The following DDX21 variants were observed in gnomAD, a reference collection of about 807,000 sequenced individuals.
DDX21 encodes nucleolar RNA helicase 2.
In DDX21, 18 loss-of-function variants were observed where a neutral mutation model predicts 90.0. That is an observed-to-expected ratio of 0.20 (90% CI 0.14 to 0.30). The LOEUF is 0.30. DDX21 is among the 10% of genes least tolerant of loss of function. DDX21 has a pLI of 1.00. For missense variants in DDX21, 673 were observed against 944.5 expected, an observed-to-expected ratio of 0.71 and a Z score of 3.77; for synonymous variants, 294 against 318.0, an observed-to-expected ratio of 0.92 and a Z score of 0.80.
chr10:68,970,483 T>G, intron 8 of DDX21, 133 bp downstream of exon 8: 2 of 779,318 alleles, frequency 2.6e-6, no homozygotes, highest in Non-Finnish European at 3.7e-6. Context: ...GAGAGGAAGC[T>G]ACTTTTTTTT....
At chr10:68,957,067 G>A (rs1237394302) in intron 1 of DDX21, among the ~76,000 whole-genome samples, 3 of 151,922 alleles carry the variant, frequency 2.0e-5, no homozygotes, top group African/African-American at 7.2e-5. Context: ...GTGGGCACTG[G>A]AGCTTTAGAG....
chr10:68,960,161 C>T lies in DDX21; in HGVS notation c.443C>T (p.Pro148Leu). The T allele has an allele frequency of 1.9e-6, 3 of 1,614,030 alleles. No homozygotes were observed. Among genetic ancestry groups the T allele is most frequent in the East Asian group, 2.2e-5 (1 of 44,866 alleles). The change falls in exon 2 of 15, where the codon CCC becomes CTC. Residue 148 changes from proline (P) to leucine (L), a missense_variant. Physicochemically the swap from Pro to Leu is moderately conservative, Grantham distance 98. Around this residue, in one of 4 missense-constraint regions of DDX21, gnomAD observed 204 missense variants for 221.6 expected, o/e 0.92. Transcript: ENST00000354185. ...AATGGAGAAACTAGAGAGAAAAGCC[C>T]CAAACTGAAGAATGGATTTCCTCAT... ...EMNGETREKS[P>L]KLKNGFPHPE...
intron 1 of DDX21, 59 bp downstream of exon 1, chr10:68,956,371 C>T: frequency 6.2e-7 from 1 of 1,605,026 alleles, no homozygotes; most frequent in East Asian, 2.2e-5. Context: ...CCCCGGGGTG[C>T]GGGAGAAGTG....
At chr10:68,957,073 T>C (rs1310779736) in intron 1 of DDX21, among the ~76,000 whole-genome samples, 1 of 151,950 alleles carries the variant, frequency 6.6e-6, no homozygotes. Context: ...ACTGGAGCTT[T>C]AGAGTAGACT....
chr10:68,973,454 C>A lies in DDX21; in HGVS notation c.1549-91C>A, dbSNP rs1424503767. On this transcript the variant is annotated intron_variant, in intron 9 of 14. Coordinates refer to ENST00000354185, the MANE Select transcript of DDX21 (RefSeq NM_004728.4). ...CCTCATGTCCCCAGGTTTATAACCA[C>A]AATTGCTAGTGTTCACTGACCTGCA... The A allele has an allele frequency of 1.2e-5, 18 of 1,523,206 alleles. No homozygotes were observed. In the East Asian group the frequency reaches 3.2e-4, roughly 27 times the overall value. The allele number at this position is 1,523,206 out of a possible 1,614,324, so 94.4% of individuals were successfully genotyped here.
chr10:68,972,118 T>C, intron 9 of DDX21, 66 bp downstream of exon 9: 1 of 1,530,666 alleles, frequency 6.5e-7, no homozygotes, highest in South Asian at 1.2e-5. Flanking sequence ...AAATTGGAAA[T>C]TGTATTATTT....
Position 68,970,034 on chromosome 10 carries a change from G to GT in DDX21, c.1237-160dup, listed in dbSNP as rs1226314943. 3.3e-5 allele frequency among the ~76,000 whole-genome samples: 5 copies of GT among 152,232 alleles called. No individual in the cohort carries two copies. In the East Asian group the frequency reaches 5.8e-4, roughly 18 times the overall value. On this transcript the variant is annotated intron_variant, in intron 7 of 14. Coordinates refer to ENST00000354185, the MANE Select transcript of DDX21 (RefSeq NM_004728.4). Reference sequence around the variant, plus strand: ...CTTTCTGCTTTACTGGCTTATTTAGGTTTTTTTCTGTCAGTGGTGGCTGCA... The same window carrying GT: ...CTTTCTGCTTTACTGGCTTATTTAGGTTTTTTTTCTGTCAGTGGTGGCTGCA...
At chr10:68,966,281 C>T (rs375834207) in intron 5 of DDX21, among the ~76,000 whole-genome samples, 2 of 151,332 alleles carry the variant, frequency 1.3e-5, no homozygotes, top group Admixed American at 6.6e-5. Context: ...TTCACCATAT[C>T]GGCCAGGCTG....
At chr10:68,963,217 T>C (rs1426813441) in intron 3 of DDX21, 74 bp from the exon 4 acceptor site, 2 of 1,424,068 alleles carry the variant, frequency 1.4e-6, no homozygotes, top group African/African-American at 1.4e-5. Context: ...GCATGAGTAG[T>C]ATACTTCAGT....
chr10:68,984,013 G>GT lies in DDX21; in HGVS notation c.*1205dup, dbSNP rs966532436. 14 of 152,320 alleles carry GT rather than the reference G, an allele frequency of 9.2e-5. No individual in the cohort carries two copies. Among genetic ancestry groups the GT allele is most frequent in the African/African-American group, 3.4e-4 (14 of 41,572 alleles). 9.4% of individuals were successfully genotyped at this position (152,320 alleles called of 1,614,324 possible). A position where few individuals can be genotyped will look rare whatever the true frequency, so the allele number is the denominator to read the frequency against. On this transcript the variant is annotated 3_prime_UTR_variant, in exon 15 of 15. Coordinates refer to ENST00000354185, the MANE Select transcript of DDX21 (RefSeq NM_004728.4). ...AAGACAAACTGTATGTGATTAAGTT[G>GT]TTTTGAGGGAACTGAAGAACCTGAT...
At chr10:68,974,604 A>T in intron 10 of DDX21, 66 bp from the exon 11 acceptor site, 1 of 1,326,682 alleles carries the variant, frequency 7.5e-7, no homozygotes, top group Non-Finnish European at 1.1e-6. Context: ...AAATTAGGGG[A>T]CTGCTTATCT....
chr10:68,970,047 A>G (rs1843000245), intron 7 of DDX21, among the ~76,000 whole-genome samples, 154 bp from the exon 8 acceptor site: 1 of 152,150 alleles, frequency 6.6e-6, no homozygotes, highest in Non-Finnish European at 1.5e-5. Flanking sequence ...TTTTTCTGTC[A>G]GTGGTGGCTG....
Position 68,982,529 on chromosome 10 carries a change from C to T in DDX21, c.2083-14C>T, listed in dbSNP as rs1337999368. ...CTAATTAAAGCACACAAAAACAAAA[C>T]ATTCTCTCAACAGGAGAAATGGCAT... On this transcript the variant is annotated splice_polypyrimidine_tract_variant and intron_variant, in intron 14 of 14. Coordinates refer to ENST00000354185, the MANE Select transcript of DDX21 (RefSeq NM_004728.4). 4 of 1,584,166 alleles carry T rather than the reference C, an allele frequency of 2.5e-6. No individual in the cohort carries two copies. The highest frequency in any genetic ancestry group is 3.6e-5 in the Admixed American group (2 of 56,016).
chr10:68,958,412 G>A (rs551454031), intron 1 of DDX21, among the ~76,000 whole-genome samples: 4 of 151,606 alleles, frequency 2.6e-5, no homozygotes, highest in South Asian at 2.1e-4. Context: ...AGGAGTATAG[G>A]TGTGCTGCTA....
At chr10:68,956,376 G>T in intron 1 of DDX21, 64 bp downstream of exon 1, 1 of 1,604,878 alleles carries the variant, frequency 6.2e-7, no homozygotes, top group South Asian at 1.1e-5. Context: ...GGGTGCGGGA[G>T]AAGTGCCCGG....
In DDX21 at chr10:68,959,986, C is replaced by T. The variant is rs760385541; in HGVS notation, c.268C>T (p.Pro90Ser). 6.2e-7 allele frequency: 1 copy of T among 1,608,776 alleles called. No homozygotes were observed. Among genetic ancestry groups the T allele is most frequent in the East Asian group, 2.2e-5 (1 of 44,836 alleles). ...GGAGCCATCTCAAAATGACATTTCT[C>T]CTAAAACCAAAAGTTTGAGAAAGAA... ...KEEPSQNDIS[P>S]KTKSLRKKKE... The change falls in exon 2 of 15, where the codon CCT (proline) becomes TCT (serine). Residue 90 changes from proline to serine, a missense_variant. This residue lies in a region of DDX21 where 204 missense variants were observed against 221.6 expected (regional missense o/e 0.92). Coordinates refer to ENST00000354185, the MANE Select transcript of DDX21 (RefSeq NM_004728.4).
Position 68,962,166 on chromosome 10 carries a change from C to G in DDX21, c.607+9C>G. ...TATTAAACTTCTCAAAGGTAATGTTCTTGGAAATATCGTATGATGTTAGAA... is the reference window on the plus strand; with the variant it reads ...TATTAAACTTCTCAAAGGTAATGTTGTTGGAAATATCGTATGATGTTAGAA... On this transcript the variant is annotated intron_variant, in intron 3 of 14. Coordinates refer to ENST00000354185, the MANE Select transcript of DDX21 (RefSeq NM_004728.4). 6.4e-7 allele frequency: 1 copy of G among 1,573,938 alleles called. No homozygotes were observed. Among genetic ancestry groups the G allele is most frequent in the Non-Finnish European group, 8.7e-7 (1 of 1,149,328 alleles).
In DDX21 at chr10:68,980,828, C is replaced by T. The variant is rs1460702249; in HGVS notation, c.2038-709C>T. 8.6e-5 allele frequency among the ~76,000 whole-genome samples: 7 copies of T among 81,472 alleles called. No homozygotes were observed. In the South Asian group the frequency reaches 3.0e-3, roughly 35 times the overall value. 53.4% of individuals were successfully genotyped at this position (81,472 alleles called of 152,430 possible). On this transcript the variant is annotated intron_variant, in intron 13 of 14. Transcript: ENST00000354185. ...TGGGTAATGTAGTGAGACCCTGTCT[C>T]TACCAAAAAAAAAAAAAAAAAAAAG...
chr10:68,968,199 T>G (rs1842967177), intron 6 of DDX21, among the ~76,000 whole-genome samples: 1 of 151,888 alleles, frequency 6.6e-6, no homozygotes. Flanking sequence ...AGATAGGCCC[T>G]CACCCTGTCA....
Sources: gnomAD v4.1 joint callset for allele counts (sites outside exome capture counted in the v4.1 genomes callset) on GRCh38, gnomAD v4.1.1 for gene constraint, gnomAD v4.1.1 regional missense constraint, MANE v1.5 for transcripts, NCBI Gene and HGNC (gene_info 2026-07-23, HGNC 2026-07-21) for gene names.